MAD1L1: variants seen among roughly 807,000 people sequenced by gnomAD.
MAD1L1 encodes the protein mitotic arrest deficient 1 like 1, also known as mitotic spindle assembly checkpoint protein MAD1.
MAD1L1 carries 95 observed loss-of-function variants against 96.9 expected under a neutral mutation model. The ratio of observed to expected loss-of-function variants is 0.98; its 90% confidence interval spans 0.83 to 1.16. The LOEUF (loss-of-function observed/expected upper bound fraction) is 1.16, where lower values mean the gene tolerates loss of function less well. MAD1L1 is among the 50% of genes most tolerant of loss of function. MAD1L1 has a pLI of 0.00. For missense variants in MAD1L1, 1,007 were observed against 954.4 expected (o/e 1.06, Z -0.73); for synonymous variants, 473 against 396.6 (o/e 1.19, Z -2.29).
intron 18 of MAD1L1, among the ~76,000 whole-genome samples, chr7:1,878,087 A>G (rs943681989): frequency 6.6e-6 from 1 of 152,228 alleles, no homozygotes. Flanking sequence ...GTATACACAA[A>G]ATAAGCAAAA....
At chr7:2,082,008 A>G (rs1785677880) in intron 11 of MAD1L1, among the ~76,000 whole-genome samples, 1 of 152,222 alleles carries the variant, frequency 6.6e-6, no homozygotes, top group Non-Finnish European at 1.5e-5. Context: ...GTTGGAGCCA[A>G]AGATAGAGAC....
At chr7:2,104,304 C>A (rs1584329933) in intron 11 of MAD1L1, among the ~76,000 whole-genome samples, 2 of 152,240 alleles carry the variant, frequency 1.3e-5, no homozygotes, top group South Asian at 2.1e-4. Context: ...GCAGATGAGG[C>A]CCCGGAGAGA....
chr7:2,185,327 G>A (rs1465990585), intron 10 of MAD1L1, among the ~76,000 whole-genome samples: 4 of 152,324 alleles, frequency 2.6e-5, no homozygotes, highest in South Asian at 2.1e-4. Context: ...ATAGAAATCA[G>A]AACAGTGCTT....
chr7:2,091,500 A>G (rs907943847), intron 11 of MAD1L1, among the ~76,000 whole-genome samples: 1 of 152,228 alleles, frequency 6.6e-6, no homozygotes, highest in Admixed American at 6.5e-5. Context: ...ATCTGGCCGG[A>G]CACGGTAGCT....
At chr7:2,182,511 A>C (rs1225758355) in intron 10 of MAD1L1, among the ~76,000 whole-genome samples, 1 of 152,236 alleles carries the variant, frequency 6.6e-6, no homozygotes, top group Non-Finnish European at 1.5e-5. Flanking sequence ...GTCTCATACA[A>C]ATATCTGTAC....
Position 2,085,939 on chromosome 7 carries a change from C to T in MAD1L1, c.1074-16601G>A, listed in dbSNP as rs1361598172. On this transcript the variant is annotated intron_variant, in intron 11 of 18. Transcript: ENST00000265854. ...GACCACCAGGTGCGTACGAGGGCGC[C>T]GACTGCCCACTCCCGCCAACTTCAC... Among the ~76,000 whole-genome samples the T allele has an allele frequency of 5.3e-5, 8 of 152,310 alleles. No individual in the cohort carries two copies. In the South Asian group the frequency reaches 1.0e-3, roughly 20 times the overall value.
intron 12 of MAD1L1, among the ~76,000 whole-genome samples, chr7:2,020,387 C>A (rs1419624156): frequency 6.6e-6 from 1 of 152,264 alleles, no homozygotes; most frequent in Admixed American, 6.5e-5. Context: ...CCATGCGGCC[C>A]CCACCCTTGC....
chr7:1,903,494 G>A (rs1235881713), intron 17 of MAD1L1, among the ~76,000 whole-genome samples: 2 of 145,942 alleles, frequency 1.4e-5, no homozygotes, highest in South Asian at 2.2e-4. Flanking sequence ...ACTCAAGATT[G>A]ATCAAGCACT....
chr7:1,857,825 C>T (rs1784333696), intron 18 of MAD1L1, among the ~76,000 whole-genome samples: 1 of 152,246 alleles, frequency 6.6e-6, no homozygotes, highest in African/African-American at 2.4e-5. Context: ...CAGTCCTTGT[C>T]TTTCTCATCC....
At position 1,973,969 on chromosome 7, in the gene MAD1L1, G is replaced by A. The variant is rs368486472; in HGVS notation, c.1505+6484C>T. ...GGAGACGCGCTCCCCGAGGGGCCAC[G>A]CTGATGCTGCTGGGCGGGGACAGGG... On this transcript the variant is annotated intron_variant, in intron 15 of 18. Coordinates refer to ENST00000265854, the MANE Select transcript of MAD1L1 (RefSeq NM_001013836.2). 4.3e-4 allele frequency among the ~76,000 whole-genome samples: 65 copies of A among 152,346 alleles called. No individual in the cohort carries two copies. The East Asian group carries it at 7.9e-3, about 19-fold the overall frequency.
At chr7:2,135,293 T>C (rs1207440838) in intron 11 of MAD1L1, among the ~76,000 whole-genome samples, 2 of 152,182 alleles carry the variant, frequency 1.3e-5, no homozygotes, top group Admixed American at 6.5e-5. Context: ...CCGTGGCAGA[T>C]GGACGCAGAC....
chr7:1,900,983 G>A (rs973000946), intron 17 of MAD1L1, among the ~76,000 whole-genome samples: 13 of 152,172 alleles, frequency 8.5e-5, no homozygotes, highest in East Asian at 5.8e-4. Flanking sequence ...ATGGGCCGCC[G>A]CACTCACTCC....
intron 15 of MAD1L1, among the ~76,000 whole-genome samples, chr7:1,967,469 A>T (rs2128478001): frequency 6.6e-6 from 1 of 152,362 alleles, no homozygotes; most frequent in South Asian, 2.1e-4. Context: ...GAACGGGTAC[A>T]GGTACGCTGC....
intron 16 of MAD1L1, 120 bp downstream of exon 16, chr7:1,957,509 G>T: frequency 1.0e-6 from 1 of 999,210 alleles, no homozygotes; most frequent in Non-Finnish European, 1.5e-6. Flanking sequence ...AGGGAGGAGA[G>T]TTCAGACAGA....
rs569444896 is a variant in MAD1L1 at position 2,075,366 on chromosome 7, G to C, written c.1074-6028C>G. The stretch of plus-strand genomic sequence containing the variant: ...AGGCCCTGCAGGGCACCGGGACCCA[G>C]CACGCTGAGCCACAGCGGCACCAGC... On this transcript the variant is annotated intron_variant, in intron 11 of 18. Coordinates refer to ENST00000265854, the MANE Select transcript of MAD1L1 (RefSeq NM_001013836.2). 2.6e-5 allele frequency among the ~76,000 whole-genome samples: 4 copies of C among 152,344 alleles called. No homozygotes were observed. In the South Asian group the frequency reaches 8.3e-4, roughly 32 times the overall value.
intron 12 of MAD1L1, among the ~76,000 whole-genome samples, chr7:2,024,144 A>C (rs1444994290): frequency 6.6e-6 from 1 of 152,020 alleles, no homozygotes; most frequent in Non-Finnish European, 1.5e-5. Context: ...GACACAAATT[A>C]CTAACATCAG....
At chr7:2,003,238 G>A (rs1220250630) in intron 13 of MAD1L1, among the ~76,000 whole-genome samples, 4 of 152,214 alleles carry the variant, frequency 2.6e-5, no homozygotes, top group Non-Finnish European at 5.9e-5. Context: ...AGGAGAAACG[G>A]GAGAGAGGCG....
intron 18 of MAD1L1, among the ~76,000 whole-genome samples, chr7:1,862,315 C>T (rs1428573214): frequency 6.6e-6 from 1 of 152,240 alleles, no homozygotes; most frequent in Non-Finnish European, 1.5e-5. Flanking sequence ...TGCCACGGGT[C>T]CCCTGGGAGG....
intron 18 of MAD1L1, among the ~76,000 whole-genome samples, chr7:1,857,959 T>A (rs751478078): frequency 2.6e-5 from 4 of 152,054 alleles, no homozygotes; most frequent in Non-Finnish European, 5.9e-5. Flanking sequence ...CAGGGCCGAG[T>A]CCCTTGGCTG....
Sources: gnomAD v4.1 joint callset for allele counts (sites outside exome capture counted in the v4.1 genomes callset) on GRCh38, gnomAD v4.1.1 for gene constraint, MANE v1.5 for transcripts, NCBI Gene and HGNC (gene_info 2026-07-23, HGNC 2026-07-21) for gene names.